FAM117B: variants seen among roughly 807,000 people sequenced by gnomAD.
The protein encoded by FAM117B is protein FAM117B.
A neutral mutation model predicts 52.8 loss-of-function variants in FAM117B; 22 were observed. The ratio of observed to expected loss-of-function variants is 0.42; its 90% CI spans 0.30 to 0.59. FAM117B has a LOEUF of 0.59. Ranked by LOEUF, FAM117B falls within the 20% of genes least tolerant of loss-of-function variation. The probability of loss-of-function intolerance (pLI) is 0.22; values close to 1 mark genes in which losing one functional copy is unlikely to be tolerated. For synonymous variants in FAM117B, 309 were observed against 324.1 expected (o/e 0.95, Z 0.50); for missense variants, 678 against 802.6 (o/e 0.84, Z 1.88).
Position 202,731,332 on chromosome 2 carries a change from AATATATATATATATATAT to A in FAM117B, c.960+4988_960+5005del, listed in dbSNP as rs35255766. Among the ~76,000 whole-genome samples the A allele has an allele frequency of 2.0e-3, 62 of 30,770 alleles. 3 individuals carry two copies. The highest frequency in any genetic ancestry group is 2.8e-3 in the African/African-American group (47 of 16,768). The allele number at this position is 30,770 out of a possible 152,430, so 20.2% of individuals were successfully genotyped here. ...TCAGGGGAGGATGTGGAGAAATTGG[AATATATATATATATATAT>A]ATATATATATATATATATGGAGAGA... On this transcript the variant is annotated intron_variant, in intron 4 of 7. Transcript: ENST00000392238.
chr2:202,671,597 C>T (rs10197549), intron 1 of FAM117B, among the ~76,000 whole-genome samples: 12,398 of 152,232 alleles, frequency 0.081, 1,681 homozygotes, highest in African/African-American at 0.28. Flanking sequence ...GTTCTCCACA[C>T]TGGCTGTGAA....
At chr2:202,636,818 G>A (rs1466231436) in intron 1 of FAM117B, among the ~76,000 whole-genome samples, 4 of 152,224 alleles carry the variant, frequency 2.6e-5, no homozygotes, top group Non-Finnish European at 5.9e-5. Flanking sequence ...CGAAATGGAA[G>A]GAATAGGATG....
rs1385060798 is a variant in FAM117B, at chr2:202,767,767, C to T, written c.*2003C>T. 2.0e-5 allele frequency: 3 copies of T among 152,096 alleles called. No individual in the cohort carries two copies. Among genetic ancestry groups the T allele is most frequent in the Non-Finnish European group, 2.9e-5 (2 of 68,018 alleles). The allele number at this position is 152,096 out of a possible 1,614,324, so 9.4% of individuals were successfully genotyped here. ...AAATAATCCCTGTTGAGTTTAAATT[C>T]GAGATGCATTTAGGTAAATTGGATA... On this transcript the variant is annotated 3_prime_UTR_variant, in exon 8 of 8. Transcript: ENST00000392238.
intron 1 of FAM117B, among the ~76,000 whole-genome samples, chr2:202,648,424 G>C (rs1689902385): frequency 6.6e-6 from 1 of 151,962 alleles, no homozygotes; most frequent in Non-Finnish European, 1.5e-5. Flanking sequence ...GGCTGAGGCA[G>C]GAGAATTGCT....
At chr2:202,725,110 A>G in intron 3 of FAM117B, 101 bp downstream of exon 3, 1 of 838,570 alleles carries the variant, frequency 1.2e-6, no homozygotes, top group South Asian at 2.1e-5. Flanking sequence ...TTTTCCATTG[A>G]TTTCTTTTTT....
chr2:202,740,863 CA>C (rs200805572), intron 4 of FAM117B, among the ~76,000 whole-genome samples: 163 of 149,514 alleles, frequency 1.1e-3, no homozygotes, highest in South Asian at 6.8e-3. Flanking sequence ...TACATTGATA[CA>C]AAAAAAAAGC....
At chr2:202,657,934 T>C (rs191550788) in intron 1 of FAM117B, among the ~76,000 whole-genome samples, 1 of 152,314 alleles carries the variant, frequency 6.6e-6, no homozygotes, top group Admixed American at 6.5e-5. Context: ...ACAATATACA[T>C]ACCTAACTTT....
rs571598913 is a variant in FAM117B, at chr2:202,644,898, ATTGT to A, written c.601+9117_601+9120del. The stretch of plus-strand genomic sequence containing the variant: ...GGATTGCCTTGTTGTGAGGTGTTTC[ATTGT>A]TTGTTTTCTGTTCACTGTGCTGGTT... On this transcript the variant is annotated intron_variant, in intron 1 of 7. Transcript: ENST00000392238. Among the ~76,000 whole-genome samples, 1,207 of 152,106 alleles carry A rather than the reference ATTGT, an allele frequency of 7.9e-3. 7 individuals carry two copies. Among genetic ancestry groups the A allele is most frequent in the Non-Finnish European group, 0.013 (885 of 67,976 alleles).
In FAM117B at chr2:202,747,730, A is replaced by T. The variant is rs546033536; in HGVS notation, c.961-7808A>T. Among the ~76,000 whole-genome samples the T allele has an allele frequency of 4.9e-4, 75 of 152,168 alleles. 1 individual carries two copies. Among genetic ancestry groups the T allele is most frequent in the Middle Eastern group, 3.4e-3 (1 of 294 alleles). On this transcript the variant is annotated intron_variant, in intron 4 of 7. Coordinates refer to ENST00000392238, the MANE Select transcript of FAM117B (RefSeq NM_173511.4). ...AGCTAAAAAAGAACAACAATAAAAAACCCTGAGAATAAATTTAACCAAGGA... is the reference window on the plus strand; with the variant it reads ...AGCTAAAAAAGAACAACAATAAAAATCCCTGAGAATAAATTTAACCAAGGA...
chr2:202,702,499 C>T (rs1690809221), intron 2 of FAM117B, among the ~76,000 whole-genome samples: 1 of 152,234 alleles, frequency 6.6e-6, no homozygotes, highest in East Asian at 1.9e-4. Context: ...CCGTTAACAT[C>T]AAGTCAAGAC....
intron 1 of FAM117B, among the ~76,000 whole-genome samples, chr2:202,642,782 C>T (rs951756559): frequency 2.0e-5 from 3 of 152,038 alleles, no homozygotes; most frequent in Admixed American, 6.6e-5. Context: ...GGGCAACACT[C>T]GAAATGACTA....
chr2:202,718,076 A>G (rs964607409), intron 2 of FAM117B, among the ~76,000 whole-genome samples: 2 of 152,170 alleles, frequency 1.3e-5, no homozygotes, highest in Non-Finnish European at 2.9e-5. Flanking sequence ...CCACAGACCC[A>G]CAGGTAGTAC....
At chr2:202,733,444 C>G (rs1351837122) in intron 4 of FAM117B, among the ~76,000 whole-genome samples, 2 of 152,076 alleles carry the variant, frequency 1.3e-5, no homozygotes, top group Non-Finnish European at 2.9e-5. Context: ...TACAGGAGAC[C>G]AGGGCATATT....
chr2:202,679,895 T>C (rs1476933620), intron 1 of FAM117B, among the ~76,000 whole-genome samples: 2 of 152,156 alleles, frequency 1.3e-5, no homozygotes. Flanking sequence ...GACTATGAGA[T>C]AATAGAGATA....
intron 1 of FAM117B, among the ~76,000 whole-genome samples, chr2:202,672,999 G>A (rs1479067545): frequency 3.3e-5 from 5 of 152,174 alleles, no homozygotes; most frequent in South Asian, 2.1e-4. Context: ...GGTAAACTGC[G>A]TTCACGCCAC....
chr2:202,717,330 AG>A (rs1691073048), intron 2 of FAM117B, among the ~76,000 whole-genome samples: 1 of 152,248 alleles, frequency 6.6e-6, no homozygotes, highest in African/African-American at 2.4e-5. Context: ...AAAACAAGCC[AG>A]GTGTGGTGGC....
intron 4 of FAM117B, 66 bp downstream of exon 4, chr2:202,726,429 C>A: frequency 8.2e-7 from 1 of 1,216,326 alleles, no homozygotes; most frequent in Non-Finnish European, 1.2e-6. Context: ...TTTGTTATTT[C>A]ATTGGTAATT....
intron 2 of FAM117B, among the ~76,000 whole-genome samples, chr2:202,708,450 C>T (rs1003380302): frequency 6.6e-6 from 1 of 151,832 alleles, no homozygotes; most frequent in African/African-American, 2.4e-5. Context: ...TATGTATATA[C>T]CATAGTTTCT....
At chr2:202,682,765 C>A (rs535274803) in intron 1 of FAM117B, among the ~76,000 whole-genome samples, 1 of 152,138 alleles carries the variant, frequency 6.6e-6, no homozygotes, top group Non-Finnish European at 1.5e-5. Context: ...TGAAAAATCT[C>A]AAATATTTTT....
Sources: gnomAD v4.1 joint callset for allele counts (sites outside exome capture counted in the v4.1 genomes callset) on GRCh38, gnomAD v4.1.1 for gene constraint, MANE v1.5 for transcripts, NCBI Gene and HGNC (gene_info 2026-07-23, HGNC 2026-07-21) for gene names.